Variants in DOCK2 observed in about 807,000 individuals in gnomAD.
DOCK2 encodes the protein dedicator of cytokinesis protein 2.
In DOCK2, 87 loss-of-function variants were observed where a neutral mutation model predicts 248.9. The observed-to-expected ratio is 0.35, with a 90% CI of 0.29 to 0.42. DOCK2 has a LOEUF of 0.42. Ranked by LOEUF, DOCK2 falls within the 10% of genes least tolerant of loss-of-function variation. The pLI is 1.00. For synonymous variants in DOCK2, 805 were observed against 821.6 expected, an observed-to-expected ratio of 0.98 and a Z score of 0.35; for missense variants, 1,747 against 2,300.2, an observed-to-expected ratio of 0.76 and a Z score of 4.92.
chr5:169,853,279 G>C (rs261078), intron 27 of DOCK2, among the ~76,000 whole-genome samples: 52,406 of 152,054 alleles, frequency 0.34, 9,873 homozygotes, highest in East Asian at 0.7. Context: ...CTTAGCAGCA[G>C]GAAAATGGAC....
At chr5:169,916,655 G>A (rs924980254) in intron 27 of DOCK2, among the ~76,000 whole-genome samples, 1 of 145,402 alleles carries the variant, frequency 6.9e-6, no homozygotes, top group Admixed American at 7.0e-5. Context: ...TAGGTATTAG[G>A]TTAGGGATTG....
chr5:169,695,658 C>T (rs1581049215), intron 9 of DOCK2, 145 bp from the exon 10 acceptor site: 1 of 1,208,276 alleles, frequency 8.3e-7, no homozygotes, highest in East Asian at 2.7e-5. Context: ...TTGTTTCTAT[C>T]TTTTCCAGGA....
At chr5:169,777,944 T>A (rs1249540010) in intron 25 of DOCK2, among the ~76,000 whole-genome samples, 1 of 152,218 alleles carries the variant, frequency 6.6e-6, no homozygotes, top group African/African-American at 2.4e-5. Context: ...AATTCATCCC[T>A]CCGTCTTCAT....
At chr5:170,082,132 TG>T (rs1758056721) in intron 51 of DOCK2, 148 bp downstream of exon 51, 1 of 1,122,632 alleles carries the variant, frequency 8.9e-7, no homozygotes, top group Non-Finnish European at 1.2e-6. Flanking sequence ...TCTGGGACAC[TG>T]TGCAGCAATG....
At chr5:169,721,407 T>C (rs1022972800) in intron 22 of DOCK2, among the ~76,000 whole-genome samples, 1 of 152,194 alleles carries the variant, frequency 6.6e-6, no homozygotes, top group Non-Finnish European at 1.5e-5. Flanking sequence ...TTGTTCTTTT[T>C]AGAATCTTTA....
chr5:170,062,227 G>A (rs935326077), intron 44 of DOCK2, among the ~76,000 whole-genome samples: 4 of 152,048 alleles, frequency 2.6e-5, no homozygotes, highest in African/African-American at 9.7e-5. Flanking sequence ...CAGACTCAGG[G>A]TAAGGGAGTA....
At chr5:169,798,691 C>T (rs976763618) in intron 25 of DOCK2, among the ~76,000 whole-genome samples, 1 of 152,184 alleles carries the variant, frequency 6.6e-6, no homozygotes, top group African/African-American at 2.4e-5. Context: ...TGGCTCCGTG[C>T]AGTGCTGGGT....
At chr5:169,758,770 A>G (rs969862773) in intron 23 of DOCK2, among the ~76,000 whole-genome samples, 2 of 152,208 alleles carry the variant, frequency 1.3e-5, no homozygotes, top group African/African-American at 4.8e-5. Context: ...CCTGTTGTAA[A>G]TTCTTAGAGA....
intron 26 of DOCK2, among the ~76,000 whole-genome samples, chr5:169,826,713 C>T (rs1768886231): frequency 6.6e-6 from 1 of 152,184 alleles, no homozygotes; most frequent in African/African-American, 2.4e-5. Flanking sequence ...AGGCTACACT[C>T]TTAATATGGA....
chr5:169,981,378 AC>A, intron 27 of DOCK2, among the ~76,000 whole-genome samples: 2 of 152,290 alleles, frequency 1.3e-5, no homozygotes, highest in Middle Eastern at 3.4e-3. Flanking sequence ...CTTCACAGAT[AC>A]CTGTTTTTTA....
chr5:169,981,429 T>C (rs1777933264), intron 27 of DOCK2, among the ~76,000 whole-genome samples: 1 of 152,244 alleles, frequency 6.6e-6, no homozygotes, highest in Non-Finnish European at 1.5e-5. Context: ...TGAGCAAGTC[T>C]CTTGGCACCA....
At chr5:170,065,175 T>A (rs10044345) in intron 44 of DOCK2, among the ~76,000 whole-genome samples, 38,735 of 152,040 alleles carry the variant, frequency 0.25, 5,422 homozygotes, top group African/African-American at 0.36. Flanking sequence ...TTAAGTTGTT[T>A]TCAGCTTTAA....
chr5:170,078,044 G>T (rs1757898624), intron 48 of DOCK2, among the ~76,000 whole-genome samples: 1 of 152,156 alleles, frequency 6.6e-6, no homozygotes, highest in African/African-American at 2.4e-5. Context: ...GCTCAGAGAG[G>T]CAAGGCAGCT....
chr5:169,957,142 T>A (rs1362525212), intron 27 of DOCK2, among the ~76,000 whole-genome samples: 1 of 152,196 alleles, frequency 6.6e-6, no homozygotes, highest in Non-Finnish European at 1.5e-5. Flanking sequence ...AGGGACTATG[T>A]GTGATTTGCT....
At chr5:169,884,203 A>T in intron 27 of DOCK2, 1 of 227,208 alleles carries the variant, frequency 4.4e-6, no homozygotes, top group Non-Finnish European at 8.5e-6. Flanking sequence ...GAGAGCTGGT[A>T]GGCGGTTTAT....
intron 30 of DOCK2, among the ~76,000 whole-genome samples, chr5:170,002,439 A>G (rs927306073): frequency 3.9e-5 from 6 of 152,266 alleles, no homozygotes; most frequent in East Asian, 3.8e-4. Context: ...ATGTCTGTAC[A>G]TACATTTGTT....
intron 27 of DOCK2, among the ~76,000 whole-genome samples, chr5:169,974,523 C>T (rs1002111980): frequency 1.3e-5 from 2 of 152,190 alleles, no homozygotes; most frequent in Non-Finnish European, 2.9e-5. Flanking sequence ...CTGTCAGAGA[C>T]TTCACATCCT....
At chr5:169,827,108 G>T (rs1768916826) in intron 26 of DOCK2, among the ~76,000 whole-genome samples, 1 of 152,272 alleles carries the variant, frequency 6.6e-6, no homozygotes, top group African/African-American at 2.4e-5. Flanking sequence ...CTTAGAATTT[G>T]TCTTGGGTGG....
intron 19 of DOCK2, 101 bp downstream of exon 19, chr5:169,714,558 AC>A (rs1451843262): frequency 7.8e-7 from 1 of 1,281,246 alleles, no homozygotes; most frequent in Non-Finnish European, 1.1e-6. Context: ...ACATGGGGAA[AC>A]TTTTCTTCCA....
Sources: gnomAD v4.1 joint callset for allele counts (sites outside exome capture counted in the v4.1 genomes callset) on GRCh38, gnomAD v4.1.1 for gene constraint, MANE v1.5 for transcripts, NCBI Gene and HGNC (gene_info 2026-07-23, HGNC 2026-07-21) for gene names.